The following NVL variants were observed in gnomAD, a reference collection of about 807,000 sequenced individuals.
The protein encoded by NVL is nuclear valosin-containing protein-like.
NVL carries 84 observed loss-of-function variants against 110.2 expected under a neutral mutation model. The ratio of observed to expected loss-of-function variants is 0.76; its 90% CI spans 0.64 to 0.91. The LOEUF (loss-of-function observed/expected upper bound fraction) is 0.91. Among genes scored for constraint, NVL ranks in the 40% least tolerant of loss-of-function variants. The pLI, the probability that NVL is intolerant of heterozygous loss-of-function variation, is 0.00. For missense variants in NVL, 882 were observed against 1,035.9 expected (o/e 0.85, Z 2.04); for synonymous variants, 354 against 361.1 (o/e 0.98, Z 0.22).
chr1:224,233,342 A>G (rs1660117710), intron 20 of NVL, 53 bp from the exon 21 acceptor site: 1 of 1,415,588 alleles, frequency 7.1e-7, no homozygotes, highest in East Asian at 2.4e-5. Flanking sequence ...AAAATCCCAG[A>G]AAAAAACCCG....
chr1:224,328,946 C>T (rs1366885572), intron 1 of NVL, among the ~76,000 whole-genome samples: 2 of 152,006 alleles, frequency 1.3e-5, no homozygotes, highest in Admixed American at 6.6e-5. Flanking sequence ...CAGCTTGCAC[C>T]GGTAATCCCA....
At chr1:224,240,041 A>G (rs1041706092) in intron 19 of NVL, among the ~76,000 whole-genome samples, 4 of 144,294 alleles carry the variant, frequency 2.8e-5, no homozygotes, top group African/African-American at 1.0e-4. Flanking sequence ...GATTACAGGC[A>G]TGCGCTACCA....
At chr1:224,257,964 A>G (rs1663481822) in intron 18 of NVL, among the ~76,000 whole-genome samples, 1 of 152,226 alleles carries the variant, frequency 6.6e-6, no homozygotes. Context: ...AAGAAAATGC[A>G]GGAGTTAATT....
At chr1:224,318,808 C>T (rs1670339265) in intron 2 of NVL, among the ~76,000 whole-genome samples, 1 of 150,572 alleles carries the variant, frequency 6.6e-6, no homozygotes, top group Non-Finnish European at 1.5e-5. Flanking sequence ...ACGGTGAAAC[C>T]TCGTCTCTTC....
At chr1:224,282,053 T>C (rs941842561) in intron 15 of NVL, among the ~76,000 whole-genome samples, 12 of 151,740 alleles carry the variant, frequency 7.9e-5, no homozygotes, top group Admixed American at 6.6e-4. Flanking sequence ...CAACTTTTTT[T>C]TTTAAATTTC....
chr1:224,320,808 C>T (rs1572067712), intron 2 of NVL, among the ~76,000 whole-genome samples: 1 of 152,196 alleles, frequency 6.6e-6, no homozygotes, highest in East Asian at 1.9e-4. Context: ...TGCCAGCACA[C>T]CTAGTTAATT....
In NVL at chr1:224,227,357, A is replaced by C; in HGVS notation, c.*269T>G. 1 of 269,724 alleles carries C rather than the reference A, an allele frequency of 3.7e-6. No individual in the cohort carries two copies. Among genetic ancestry groups the C allele is most frequent in the Non-Finnish European group, 7.1e-6 (1 of 141,072 alleles). 16.7% of individuals were successfully genotyped at this position (269,724 alleles called of 1,614,324 possible). On this transcript the variant is annotated 3_prime_UTR_variant, in exon 23 of 23. Transcript: ENST00000281701. ...TGTATAGTCAAAATAGTTCAAAGTA[A>C]AAGTTTTATTTGAAAAATGTAACAG...
chr1:224,328,930 G>C (rs1671412313), intron 1 of NVL, among the ~76,000 whole-genome samples: 1 of 152,180 alleles, frequency 6.6e-6, no homozygotes, highest in Non-Finnish European at 1.5e-5. Flanking sequence ...ACAGAGGCCA[G>C]TGCAGCAGCT....
At chr1:224,291,745 A>G (rs1338364194) in intron 12 of NVL, among the ~76,000 whole-genome samples, 1 of 152,254 alleles carries the variant, frequency 6.6e-6, no homozygotes, top group Non-Finnish European at 1.5e-5. Flanking sequence ...CCCTTTGTAA[A>G]GTTGAAAAAC....
chr1:224,325,159 G>A lies in NVL; in HGVS notation c.131+1232C>T, dbSNP rs892332425. On this transcript the variant is annotated intron_variant, in intron 2 of 22. Transcript: ENST00000281701. ...CGCCTGTAATCCCAGCTACTCAGGA[G>A]GCTGAGGCAGGAGAATCGCTTAAAC... 2.0e-5 allele frequency among the ~76,000 whole-genome samples: 3 copies of A among 151,952 alleles called. No homozygotes were observed. The East Asian group carries it at 5.8e-4, about 29-fold the overall frequency.
chr1:224,240,860 G>A (rs1317330833), intron 19 of NVL, among the ~76,000 whole-genome samples: 4 of 142,766 alleles, frequency 2.8e-5, no homozygotes, highest in South Asian at 4.4e-4. Flanking sequence ...GCATGATCTC[G>A]GCTCACTGCA....
intron 21 of NVL, chr1:224,232,192 CA>C (rs989683768): frequency 6.9e-4 from 96 of 139,780 alleles, no homozygotes; most frequent in Admixed American, 8.7e-4. Flanking sequence ...ACTAAAAATA[CA>C]AAAAAAAAAA....
chr1:224,254,975 G>A (rs1016781169), intron 18 of NVL, among the ~76,000 whole-genome samples: 9 of 148,162 alleles, frequency 6.1e-5, no homozygotes, highest in African/African-American at 2.0e-4. Context: ...AGGTTCAAGC[G>A]ATTCTCCTGC....
intron 19 of NVL, among the ~76,000 whole-genome samples, chr1:224,238,105 C>T (rs965084159): frequency 6.6e-6 from 1 of 151,980 alleles, no homozygotes. Context: ...GCAATCTCAG[C>T]TTACTGCAAC....
At chr1:224,239,400 A>G (rs549801369) in intron 19 of NVL, among the ~76,000 whole-genome samples, 2 of 152,176 alleles carry the variant, frequency 1.3e-5, no homozygotes, top group Non-Finnish European at 2.9e-5. Context: ...CAGTGAACAT[A>G]TAATAGTGAT....
chr1:224,323,446 C>T (rs898279971), intron 2 of NVL, among the ~76,000 whole-genome samples: 1 of 152,068 alleles, frequency 6.6e-6, no homozygotes, highest in East Asian at 1.9e-4. Flanking sequence ...TTTGCTAAAG[C>T]GATTACCAGC....
chr1:224,295,540 T>A (rs1667795265), intron 11 of NVL, among the ~76,000 whole-genome samples: 1 of 151,828 alleles, frequency 6.6e-6, no homozygotes, highest in Admixed American at 6.6e-5. Context: ...TGAAAGCATT[T>A]TCTCAGAATG....
At position 224,275,470 on chromosome 1, in the gene NVL, C is replaced by A; in HGVS notation, c.1963-12G>T. On this transcript the variant is annotated splice_polypyrimidine_tract_variant and intron_variant, in intron 16 of 22. Transcript: ENST00000281701. ...CTCTCACCAACATACTAAACATACA[C>A]AGAAAGGAAATAAAATACCAACAGT... The A allele has an allele frequency of 1.2e-6, 2 of 1,613,982 alleles. No individual in the cohort carries two copies. Among genetic ancestry groups the A allele is most frequent in the Middle Eastern group, 1.6e-4 (1 of 6,062 alleles).
At chr1:224,259,824 T>A (rs1203203240) in intron 18 of NVL, among the ~76,000 whole-genome samples, 1 of 146,820 alleles carries the variant, frequency 6.8e-6, no homozygotes, top group East Asian at 2.0e-4. Context: ...CCAGCTAACT[T>A]TTTTTTTTTT....
Sources: gnomAD v4.1 joint callset for allele counts (sites outside exome capture counted in the v4.1 genomes callset) on GRCh38, gnomAD v4.1.1 for gene constraint, MANE v1.5 for transcripts, NCBI Gene and HGNC (gene_info 2026-07-23, HGNC 2026-07-21) for gene names.